SACM1L: variants seen among roughly 807,000 people sequenced by gnomAD.
SACM1L encodes the protein SAC1 like phosphatidylinositide phosphatase, also known as phosphatidylinositol-3-phosphatase SAC1.
Under a neutral mutation model 89.5 loss-of-function variants are expected in SACM1L, and 32 were observed. The observed-to-expected ratio is 0.36, with a 90% confidence interval of 0.27 to 0.48. SACM1L has a LOEUF of 0.48. SACM1L is among the 20% of genes least tolerant of loss of function. The pLI, the probability that SACM1L is intolerant of heterozygous loss-of-function variation, is 0.99. For missense variants in SACM1L, 543 were observed against 708.5 expected (o/e 0.77, Z 2.65); for synonymous variants, 213 against 232.8 (o/e 0.92, Z 0.77).
chr3:45,701,883 A>G (rs1157712963), intron 1 of SACM1L, among the ~76,000 whole-genome samples: 1 of 152,210 alleles, frequency 6.6e-6, no homozygotes, highest in Non-Finnish European at 1.5e-5. Context: ...TTTATACAAG[A>G]ATGTTCCTAG....
At chr3:45,708,000 T>C (rs1203614232) in intron 4 of SACM1L, among the ~76,000 whole-genome samples, 2 of 152,190 alleles carry the variant, frequency 1.3e-5, no homozygotes, top group East Asian at 3.8e-4. Flanking sequence ...TATAATTTAC[T>C]ATATATAACT....
chr3:45,728,185 T>C (rs767912329), intron 11 of SACM1L, among the ~76,000 whole-genome samples: 1 of 152,250 alleles, frequency 6.6e-6, no homozygotes, highest in Non-Finnish European at 1.5e-5. Context: ...TCTTTAGGTC[T>C]AACATGAATC....
At chr3:45,732,769 C>G (rs1481139681) in intron 13 of SACM1L, among the ~76,000 whole-genome samples, 1 of 152,180 alleles carries the variant, frequency 6.6e-6, no homozygotes. Context: ...TTACCATACT[C>G]TATGCGTGCC....
At chr3:45,706,100 C>CA (rs1698385681) in intron 3 of SACM1L, among the ~76,000 whole-genome samples, 1 of 152,124 alleles carries the variant, frequency 6.6e-6, no homozygotes, top group Non-Finnish European at 1.5e-5. Context: ...CCAGGAGAGA[C>CA]ATGTACATGG....
chr3:45,703,046 C>T (rs546581621), intron 1 of SACM1L, among the ~76,000 whole-genome samples: 4 of 152,214 alleles, frequency 2.6e-5, no homozygotes, highest in East Asian at 3.9e-4. Context: ...CTGGTATTAT[C>T]GTTATTTTAC....
In SACM1L at chr3:45,726,869, C is replaced by CTT. The variant is rs1158423503; in HGVS notation, c.921+3352_921+3353dup. On this transcript the variant is annotated intron_variant, in intron 11 of 19. Coordinates refer to ENST00000389061, the MANE Select transcript of SACM1L (RefSeq NM_014016.5). ...CCTCAGCACTGCTTTTGCTTTATTTCTTTTTTTTTTTTTTTTTTTTTTTTT... is the reference window on the plus strand; with the variant it reads ...CCTCAGCACTGCTTTTGCTTTATTTCTTTTTTTTTTTTTTTTTTTTTTTTTTT... Among the ~76,000 whole-genome samples the CTT allele has an allele frequency of 2.7e-4, 14 of 52,344 alleles. 2 individuals carry two copies. The highest frequency in any genetic ancestry group is 5.6e-4 in the African/African-American group (6 of 10,788). 34.3% of individuals were successfully genotyped at this position (52,344 alleles called of 152,430 possible).
intron 1 of SACM1L, among the ~76,000 whole-genome samples, chr3:45,701,240 A>G (rs1394279764): frequency 2.6e-5 from 4 of 152,226 alleles, no homozygotes; most frequent in South Asian, 4.2e-4. Context: ...AAATTGTAGT[A>G]ATAGAGTATG....
At chr3:45,694,083 C>G (rs1010771576) in intron 1 of SACM1L, among the ~76,000 whole-genome samples, 29 of 152,314 alleles carry the variant, frequency 1.9e-4, no homozygotes, top group African/African-American at 6.7e-4. Context: ...TCTTAGGCCC[C>G]TCAGACCTCA....
intron 14 of SACM1L, 55 bp downstream of exon 14, chr3:45,735,428 A>G: frequency 6.8e-7 from 1 of 1,476,202 alleles, no homozygotes; most frequent in Non-Finnish European, 9.0e-7. Context: ...AAAATTAAAC[A>G]TCTTTAAAAC....
At chr3:45,725,731 A>G (rs1403070244) in intron 11 of SACM1L, among the ~76,000 whole-genome samples, 5 of 150,716 alleles carry the variant, frequency 3.3e-5, no homozygotes, top group Non-Finnish European at 5.9e-5. Flanking sequence ...TACTAATACT[A>G]TGTTGAACAG....
At position 45,737,637 on chromosome 3, in the gene SACM1L, A is replaced by G; in HGVS notation, c.1294A>G (p.Lys432Glu). Residue 432 changes from lysine to glutamate, a missense_variant, in exon 15 of 20, where the codon AAG (lysine) becomes GAG (glutamate). Around this residue, in one of 2 missense-constraint regions of SACM1L, gnomAD observed 370 missense variants for 527.6 expected, o/e 0.70. Transcript: ENST00000389061. ...QKLEEQDEFE[K>E]IYKNAWADNA... is the part of the protein sequence containing the mutation. ...GCTTGAAGAACAAGATGAATTTGAG[A>G]AGATTTACAAAAATGGTAGGTCATT... 1 of 1,592,374 alleles carries G rather than the reference A, an allele frequency of 6.3e-7. No homozygotes were observed.
At chr3:45,722,190 T>C (rs1410154696) in intron 9 of SACM1L, 105 bp downstream of exon 9, 4 of 707,846 alleles carry the variant, frequency 5.7e-6, no homozygotes, top group South Asian at 2.0e-5. Flanking sequence ...TCTGTTCTTA[T>C]GTAATATTTT....
intron 1 of SACM1L, among the ~76,000 whole-genome samples, chr3:45,702,297 G>T (rs1171532807): frequency 6.6e-6 from 1 of 152,178 alleles, no homozygotes; most frequent in Non-Finnish European, 1.5e-5. Flanking sequence ...TTGGTAAATA[G>T]AAAATGATGT....
chr3:45,719,404 T>C, intron 7 of SACM1L, 96 bp from the exon 8 acceptor site: 3 of 626,668 alleles, frequency 4.8e-6, no homozygotes, highest in Non-Finnish European at 5.3e-6. Context: ...TCATTTTTTC[T>C]CTTAAAGACC....
At chr3:45,704,245 AT>A (rs1371788432) in intron 2 of SACM1L, among the ~76,000 whole-genome samples, 1 of 152,092 alleles carries the variant, frequency 6.6e-6, no homozygotes, top group Non-Finnish European at 1.5e-5. Context: ...TTCTATATTT[AT>A]TTTTTTCTTA....
At chr3:45,738,150 T>A (rs1232025078) in intron 16 of SACM1L, among the ~76,000 whole-genome samples, 1 of 152,186 alleles carries the variant, frequency 6.6e-6, no homozygotes, top group African/African-American at 2.4e-5. Context: ...AGCACCCAGG[T>A]GATGCTGATG....
intron 4 of SACM1L, chr3:45,707,220 A>G (rs1368464832): frequency 4.8e-6 from 1 of 208,062 alleles, no homozygotes; most frequent in African/African-American, 2.4e-5. Flanking sequence ...GAAATAAAAT[A>G]TAAATACCTT....
chr3:45,689,425 C>A lies in SACM1L; in HGVS notation c.-41C>A, dbSNP rs777456932. 7 of 1,550,180 alleles carry A rather than the reference C, an allele frequency of 4.5e-6. No individual in the cohort carries two copies. The African/African-American group carries it at 6.9e-5, about 15-fold the overall frequency. On this transcript the variant is annotated 5_prime_UTR_variant, in exon 1 of 20. Coordinates refer to ENST00000389061, the MANE Select transcript of SACM1L (RefSeq NM_014016.5). ...TTGTAGCCGAGGTGGCGGCGCGGGGCGGGGCGGGCGGAGAGAGAAGGAAGG... is the reference window on the plus strand; with the variant it reads ...TTGTAGCCGAGGTGGCGGCGCGGGGAGGGGCGGGCGGAGAGAGAAGGAAGG...
intron 13 of SACM1L, among the ~76,000 whole-genome samples, chr3:45,734,203 A>C (rs1001627485): frequency 1.4e-5 from 2 of 146,756 alleles, no homozygotes; most frequent in African/African-American, 5.1e-5. Context: ...ACCTGAGGTC[A>C]GGAGTTCAAG....
Sources: gnomAD v4.1 joint callset for allele counts (sites outside exome capture counted in the v4.1 genomes callset) on GRCh38, gnomAD v4.1.1 for gene constraint, gnomAD v4.1.1 regional missense constraint, MANE v1.5 for transcripts, NCBI Gene and HGNC (gene_info 2026-07-23, HGNC 2026-07-21) for gene names.